RUNX1: variants seen among roughly 807,000 people sequenced by gnomAD.
RUNX1 encodes the protein runt-related transcription factor 1.
Under a neutral mutation model 42.8 loss-of-function variants are expected in RUNX1, and 19 were observed. That is an observed-to-expected ratio of 0.44 (90% CI 0.31 to 0.65). The LOEUF is 0.65. Among genes scored for constraint, RUNX1 ranks in the 30% least tolerant of loss-of-function variants. The pLI, the probability that RUNX1 is intolerant of heterozygous loss-of-function variation, is 0.07. For synonymous variants in RUNX1, 271 were observed against 289.4 expected (o/e 0.94, Z 0.64); for missense variants, 528 against 672.0 (o/e 0.79, Z 2.37).
chr21:34,987,530 G>T (rs768621580), intron 2 of RUNX1, among the ~76,000 whole-genome samples: 1 of 152,196 alleles, frequency 6.6e-6, no homozygotes, highest in Non-Finnish European at 1.5e-5. Context: ...TGTCAAGGGG[G>T]AGATGAGCCA....
At chr21:34,981,497 G>A (rs1223158037) in intron 2 of RUNX1, among the ~76,000 whole-genome samples, 2 of 152,142 alleles carry the variant, frequency 1.3e-5, no homozygotes, top group Admixed American at 1.3e-4. Context: ...GATTTTGCAT[G>A]GATCAGCTTA....
intron 2 of RUNX1, among the ~76,000 whole-genome samples, chr21:35,009,002 G>A (rs907628553): frequency 1.2e-4 from 18 of 152,214 alleles, no homozygotes; most frequent in Non-Finnish European, 2.2e-4. Context: ...CTTTAGGAGA[G>A]CAGGTCGTGT....
intron 2 of RUNX1, among the ~76,000 whole-genome samples, chr21:34,949,229 C>CT (rs1439376231): frequency 1.3e-5 from 2 of 152,174 alleles, no homozygotes; most frequent in Non-Finnish European, 2.9e-5. Flanking sequence ...CACCAAAGTC[C>CT]TTTTCACTAA....
At chr21:34,797,935 TA>T (rs1051443942) in intron 8 of RUNX1, 37 of 443,114 alleles carry the variant, frequency 8.3e-5, no homozygotes, top group African/African-American at 7.0e-4. Context: ...AGGATGCTGC[TA>T]AATATTCTCC....
intron 2 of RUNX1, among the ~76,000 whole-genome samples, chr21:34,935,676 C>T (rs898488814): frequency 6.6e-6 from 1 of 151,754 alleles, no homozygotes; most frequent in East Asian, 1.9e-4. Flanking sequence ...GAGAGCTATG[C>T]TGTGTATTGT....
chr21:34,839,200 A>G lies in RUNX1; in HGVS notation c.614-4599T>C, dbSNP rs575402234. On this transcript the variant is annotated intron_variant, in intron 6 of 8. Coordinates refer to ENST00000675419, the MANE Select transcript of RUNX1 (RefSeq NM_001754.5). ...TGCCCAATCTCACACGGCCAGTTACAGGAAGAGGGCAGGTCTGAAAACACA... is the reference window on the plus strand; with the variant it reads ...TGCCCAATCTCACACGGCCAGTTACGGGAAGAGGGCAGGTCTGAAAACACA... 2.0e-5 allele frequency among the ~76,000 whole-genome samples: 3 copies of G among 152,284 alleles called. No individual in the cohort carries two copies. The South Asian group carries it at 6.2e-4, about 32-fold the overall frequency.
intron 5 of RUNX1, among the ~76,000 whole-genome samples, chr21:34,873,778 C>T (rs1315995088): frequency 1.3e-5 from 2 of 152,228 alleles, no homozygotes; most frequent in African/African-American, 4.8e-5. Context: ...TGAATGCCGT[C>T]GATTGCTCTG....
intron 2 of RUNX1, among the ~76,000 whole-genome samples, chr21:34,968,276 T>G (rs542404111): frequency 1.3e-5 from 2 of 152,308 alleles, no homozygotes; most frequent in South Asian, 4.1e-4. Context: ...CTCTTAGAGC[T>G]GCAAGGCAGT....
chr21:34,798,903 G>C (rs908416920), intron 8 of RUNX1, among the ~76,000 whole-genome samples: 1 of 152,056 alleles, frequency 6.6e-6, no homozygotes, highest in South Asian at 2.1e-4. Flanking sequence ...ATGTACTCCC[G>C]TGTGCTGTCC....
At chr21:34,807,635 A>T (rs2056698165) in intron 7 of RUNX1, among the ~76,000 whole-genome samples, 1 of 152,130 alleles carries the variant, frequency 6.6e-6, no homozygotes, top group Admixed American at 6.5e-5. Flanking sequence ...CACCTCAGTC[A>T]TGGGGAGCTG....
chr21:35,010,508 C>T (rs779578599), intron 2 of RUNX1, among the ~76,000 whole-genome samples: 31 of 152,108 alleles, frequency 2.0e-4, no homozygotes, highest in Non-Finnish European at 4.0e-4. Context: ...TTCTCTCTCT[C>T]TTCCTAGCTT....
intron 4 of RUNX1, among the ~76,000 whole-genome samples, chr21:34,882,272 G>A (rs1601519329): frequency 6.6e-6 from 1 of 152,280 alleles, no homozygotes; most frequent in South Asian, 2.1e-4. Flanking sequence ...GCCTCCAGAT[G>A]ACTATCTATT....
At chr21:35,047,298 C>G (rs539666161) in intron 2 of RUNX1, among the ~76,000 whole-genome samples, 1 of 152,094 alleles carries the variant, frequency 6.6e-6, no homozygotes, top group Non-Finnish European at 1.5e-5. Context: ...AGCCAGGGAG[C>G]CGTTTGCAGC....
At position 35,041,179 on chromosome 21, in the gene RUNX1, G is replaced by T. The variant is rs75493211; in HGVS notation, c.58+7663C>A. Among the ~76,000 whole-genome samples, 415 of 152,328 alleles carry T rather than the reference G, an allele frequency of 2.7e-3. 12 individuals carry two copies. Among genetic ancestry groups the T allele is most frequent in the Admixed American group, 0.021 (323 of 15,298 alleles). On this transcript the variant is annotated intron_variant, in intron 2 of 8. Coordinates refer to ENST00000675419, the MANE Select transcript of RUNX1 (RefSeq NM_001754.5). ...ACGGAGGGTATTCTAACGCCCAGAA[G>T]TAAAAGTTGGATGTTGGCAAAGAAA...
intron 2 of RUNX1, among the ~76,000 whole-genome samples, chr21:35,003,372 C>A (rs540908907): frequency 6.6e-6 from 1 of 152,212 alleles, no homozygotes; most frequent in African/African-American, 2.4e-5. Context: ...ATGTGAGTAA[C>A]AAGGACGAAC....
intron 7 of RUNX1, among the ~76,000 whole-genome samples, chr21:34,809,173 C>A (rs901412217): frequency 5.9e-5 from 9 of 152,114 alleles, no homozygotes; most frequent in African/African-American, 1.9e-4. Flanking sequence ...TCCTGCAACA[C>A]CAGCACATCA....
intron 7 of RUNX1, among the ~76,000 whole-genome samples, chr21:34,804,884 G>A (rs1165567969): frequency 1.3e-5 from 2 of 151,962 alleles, no homozygotes; most frequent in Non-Finnish European, 2.9e-5. Context: ...TGGGATTACA[G>A]GCACCTGCCA....
chr21:34,870,729 G>A (rs1227808679), intron 5 of RUNX1, among the ~76,000 whole-genome samples: 2 of 152,206 alleles, frequency 1.3e-5, no homozygotes, highest in East Asian at 3.8e-4. Context: ...GGAGGCCGAG[G>A]CAGGCAGATC....
intron 2 of RUNX1, among the ~76,000 whole-genome samples, chr21:34,937,647 G>A (rs1043525941): frequency 4.6e-5 from 7 of 151,448 alleles, no homozygotes; most frequent in African/African-American, 1.5e-4. Context: ...TCAATGTGGG[G>A]TTCTGGGCTC....
Sources: allele counts gnomAD v4.1 joint callset (sites outside exome capture counted in the v4.1 genomes callset), GRCh38; gene constraint gnomAD v4.1.1; transcripts MANE v1.5; gene names NCBI Gene and HGNC (gene_info 2026-07-23, HGNC 2026-07-21).